ROBO2: variants seen among roughly 807,000 people sequenced by gnomAD.
ROBO2 encodes roundabout guidance receptor 2, also known as roundabout homolog 2.
In ROBO2, 53 loss-of-function variants were observed where a neutral mutation model predicts 160.8. The observed-to-expected ratio is 0.33, with a 90% CI of 0.26 to 0.41. The LOEUF (loss-of-function observed/expected upper bound fraction) is 0.41, where lower values mean the gene tolerates loss of function less well. Ranked by LOEUF, ROBO2 falls within the 10% of genes least tolerant of loss-of-function variation. ROBO2 has a pLI of 1.00. For synonymous variants in ROBO2, 664 were observed against 611.7 expected (o/e 1.09, Z -1.26); for missense variants, 1,577 against 1,722.4 (o/e 0.92, Z 1.49).
intron 2 of ROBO2, among the ~76,000 whole-genome samples, chr3:76,040,153 G>C (rs2067235895): frequency 6.6e-6 from 1 of 151,444 alleles, no homozygotes. Flanking sequence ...TTTTAAAATG[G>C]GAAATTTTAG....
intron 2 of ROBO2, among the ~76,000 whole-genome samples, chr3:76,345,271 C>T (rs1487233250): frequency 1.3e-5 from 2 of 152,052 alleles, no homozygotes; most frequent in Admixed American, 6.6e-5. Flanking sequence ...GGAAAGGCCT[C>T]TGTGAGGTCC....
intron 2 of ROBO2, among the ~76,000 whole-genome samples, chr3:75,962,405 T>C (rs893284221): frequency 4.6e-5 from 7 of 151,834 alleles, no homozygotes; most frequent in African/African-American, 1.4e-4. Context: ...ATATGACCAA[T>C]AATGTGTTCT....
chr3:76,414,048 A>G (rs9829627), intron 2 of ROBO2, among the ~76,000 whole-genome samples: 7 of 150,656 alleles, frequency 4.6e-5, no homozygotes, highest in African/African-American at 1.7e-4. Flanking sequence ...ATGAGGAAGA[A>G]GCAAAAGCAG....
At chr3:76,084,170 A>G (rs1487143725) in intron 2 of ROBO2, among the ~76,000 whole-genome samples, 1 of 152,184 alleles carries the variant, frequency 6.6e-6, no homozygotes, top group African/African-American at 2.4e-5. Context: ...AACCATAAGT[A>G]GAAGCCAAAT....
intron 2 of ROBO2, among the ~76,000 whole-genome samples, chr3:76,949,043 G>A (rs115616518): frequency 0.053 from 7,900 of 149,146 alleles, 289 homozygotes; most frequent in Non-Finnish European, 0.084. Context: ...GAGCCACCAC[G>A]CCTGGCCATA....
intron 2 of ROBO2, among the ~76,000 whole-genome samples, chr3:76,109,535 C>T (rs558822147): frequency 9.9e-5 from 15 of 152,150 alleles, no homozygotes; most frequent in African/African-American, 2.6e-4. Flanking sequence ...TAACTCCACA[C>T]GTAATCATTT....
At chr3:77,204,306 C>T (rs2083202473) in intron 2 of ROBO2, among the ~76,000 whole-genome samples, 1 of 151,028 alleles carries the variant, frequency 6.6e-6, no homozygotes, top group African/African-American at 2.4e-5. Flanking sequence ...AAATATGTTA[C>T]TTTTTTTTTA....
At chr3:76,980,717 A>G (rs536912354) in intron 2 of ROBO2, among the ~76,000 whole-genome samples, 8 of 152,220 alleles carry the variant, frequency 5.3e-5, no homozygotes, top group African/African-American at 1.9e-4. Context: ...TCACATGCCA[A>G]AAAACTTACC....
chr3:77,160,022 A>C (rs1228575132), intron 2 of ROBO2, among the ~76,000 whole-genome samples: 1 of 152,098 alleles, frequency 6.6e-6, no homozygotes, highest in Non-Finnish European at 1.5e-5. Context: ...CTGTAAGAAA[A>C]AATAAAGGGA....
At chr3:76,469,318 T>A (rs1391204953) in intron 2 of ROBO2, among the ~76,000 whole-genome samples, 1 of 152,092 alleles carries the variant, frequency 6.6e-6, no homozygotes, top group Non-Finnish European at 1.5e-5. Flanking sequence ...ATGCTCTTAT[T>A]CTAATAGACC....
At chr3:76,048,488 T>G (rs1458806290) in intron 2 of ROBO2, among the ~76,000 whole-genome samples, 1 of 152,146 alleles carries the variant, frequency 6.6e-6, no homozygotes, top group Admixed American at 6.5e-5. Context: ...CTGCAAATAT[T>G]TTTACTTAAT....
chr3:76,825,257 G>A (rs1409829451), intron 2 of ROBO2, among the ~76,000 whole-genome samples: 1 of 152,146 alleles, frequency 6.6e-6, no homozygotes, highest in Non-Finnish European at 1.5e-5. Context: ...GAATGGATTT[G>A]AGCCTGAAAG....
At chr3:77,042,681 C>T (rs1048850497) in intron 1 of ROBO2, among the ~76,000 whole-genome samples, 1 of 151,960 alleles carries the variant, frequency 6.6e-6, no homozygotes, top group Admixed American at 6.6e-5. Flanking sequence ...TGTCTGCCTT[C>T]CCTCCCTCCC....
At chr3:76,341,196 A>G (rs1576540629) in intron 2 of ROBO2, among the ~76,000 whole-genome samples, 1 of 151,412 alleles carries the variant, frequency 6.6e-6, no homozygotes, top group Non-Finnish European at 1.5e-5. Context: ...TGTAAGGAAA[A>G]AAAGAATAAA....
intron 2 of ROBO2, among the ~76,000 whole-genome samples, chr3:76,388,217 A>C (rs1409750292): frequency 6.6e-6 from 1 of 152,134 alleles, no homozygotes; most frequent in African/African-American, 2.4e-5. Context: ...ACTTGTTGTA[A>C]AGGAACATTG....
At chr3:77,253,888 A>T (rs981399680) in intron 2 of ROBO2, among the ~76,000 whole-genome samples, 1 of 152,172 alleles carries the variant, frequency 6.6e-6, no homozygotes, top group African/African-American at 2.4e-5. Flanking sequence ...AATCTGTAAT[A>T]TTTGAAATAT....
intron 1 of ROBO2, among the ~76,000 whole-genome samples, chr3:77,052,751 C>T (rs920831836): frequency 6.6e-6 from 1 of 152,076 alleles, no homozygotes; most frequent in African/African-American, 2.4e-5. Context: ...TGACATCAAA[C>T]TAAGAACGTG....
At chr3:76,689,692 T>G (rs2092759798) in intron 2 of ROBO2, among the ~76,000 whole-genome samples, 1 of 152,158 alleles carries the variant, frequency 6.6e-6, no homozygotes, top group African/African-American at 2.4e-5. Flanking sequence ...ATGGGAGAGA[T>G]TATGTAGCCA....
intron 2 of ROBO2, among the ~76,000 whole-genome samples, chr3:76,763,649 G>C (rs1284511562): frequency 1.3e-5 from 2 of 151,596 alleles, no homozygotes; most frequent in African/African-American, 4.8e-5. Context: ...CAACACAAAG[G>C]TCTCTACTAC....
Sources: allele counts gnomAD v4.1 joint callset (sites outside exome capture counted in the v4.1 genomes callset), GRCh38; gene constraint gnomAD v4.1.1; transcripts MANE v1.5; gene names NCBI Gene and HGNC (gene_info 2026-07-23, HGNC 2026-07-21).